The following IZUMO4 variants were observed in gnomAD, a reference collection of about 807,000 sequenced individuals.
The protein encoded by IZUMO4 is IZUMO family member 4, also known as izumo sperm-egg fusion protein 4.
A neutral mutation model predicts 37.1 loss-of-function variants in IZUMO4; 51 were observed. The observed-to-expected ratio is 1.38, with a 90% CI of 1.10 to 1.74. The LOEUF (loss-of-function observed/expected upper bound fraction) is 1.74, where lower values mean the gene tolerates loss of function less well. Ranked by LOEUF, IZUMO4 falls within the 40% of genes most tolerant of loss-of-function variation. The pLI is 0.00. For missense variants in IZUMO4, 364 were observed against 299.6 expected (o/e 1.21, Z -1.59); for synonymous variants, 162 against 121.4 (o/e 1.33, Z -2.20).
At chr19:2,098,864 TA>T (rs367744284) in intron 8 of IZUMO4, 60 bp downstream of exon 8, 12 of 1,433,480 alleles carry the variant, frequency 8.4e-6, no homozygotes, top group Non-Finnish European at 1.2e-5. Flanking sequence ...GGAGGGGGGC[TA>T]GGGGGTCCTC....
rs534003610 is a variant in IZUMO4 at position 2,098,540 on chromosome 19, G to A, written c.536+90G>A. On this transcript the variant is annotated intron_variant, in intron 7 of 9. Coordinates refer to ENST00000395301, the MANE Select transcript of IZUMO4 (RefSeq NM_001039846.2). Reference sequence around the variant, plus strand: ...TGTGGGGCACAGGCTGGCTCCCTCAGCTCCCACGTCCTAGAGGGGCTCCCG... The same window carrying A: ...TGTGGGGCACAGGCTGGCTCCCTCAACTCCCACGTCCTAGAGGGGCTCCCG... The A allele has an allele frequency of 7.5e-6, 12 of 1,608,098 alleles. No individual in the cohort carries two copies. In the South Asian group the frequency reaches 1.2e-4, roughly 16 times the overall value.
chr19:2,097,821 G>T lies in IZUMO4; in HGVS notation c.371-108G>T. ...ACATACATGAAAACCAGGTGAGCCT[G>T]GGCCCCAGTGCCGAGGGACAGGCCC... On this transcript the variant is annotated intron_variant, in intron 3 of 9. Transcript: ENST00000395301. 4 of 1,386,306 alleles carry T rather than the reference G, an allele frequency of 2.9e-6. No homozygotes were observed. The South Asian group carries it at 4.9e-5, about 17-fold the overall frequency. The allele number at this position is 1,386,306 out of a possible 1,614,324, so 85.9% of individuals were successfully genotyped here.
At chr19:2,098,761 G>T in intron 7 of IZUMO4, 26 bp from the exon 8 acceptor site, 1 of 1,605,186 alleles carries the variant, frequency 6.2e-7, no homozygotes, top group Non-Finnish European at 8.5e-7. Context: ...CCATGGAGGG[G>T]CTGACTGCCC....
At chr19:2,098,004 G>GGCCCTGGAGGCTGAGGGGA in intron 4 of IZUMO4, 48 bp from the exon 5 acceptor site, 1 of 1,613,046 alleles carries the variant, frequency 6.2e-7, no homozygotes, top group African/African-American at 1.3e-5. Flanking sequence ...GGCAGCTCGG[G>GGCCCTGGAGGCTGAGGGGA]GCCCTGGAGG....
Position 2,098,144 on chromosome 19 carries a change from A to G in IZUMO4, c.473+17A>G. On this transcript the variant is annotated intron_variant, in intron 5 of 9. Coordinates refer to ENST00000395301, the MANE Select transcript of IZUMO4 (RefSeq NM_001039846.2). ...TAACTGCGAGTAGGGCTCAGGCATC[A>G]CACCCACCCGTGCCAGGGCCCTACT... 1.2e-6 allele frequency: 2 copies of G among 1,613,092 alleles called. No homozygotes were observed. The highest frequency in any genetic ancestry group is 1.7e-6 in the Non-Finnish European group (2 of 1,179,664).
rs757902471 is a variant in IZUMO4, at chr19:2,098,601, G to A, written c.536+151G>A. On this transcript the variant is annotated intron_variant, in intron 7 of 9. Coordinates refer to ENST00000395301, the MANE Select transcript of IZUMO4 (RefSeq NM_001039846.2). ...ACCTCAACCCAGCTCTGCGCAGGAG[G>A]CGGCTGCAGTCCTTTTCTCCCTCAA... The A allele has an allele frequency of 2.7e-5, 43 of 1,585,970 alleles. No homozygotes were observed. The Admixed American group carries it at 3.4e-4, about 12-fold the overall frequency.
chr19:2,098,042 C>A lies in IZUMO4; in HGVS notation c.398-10C>A, dbSNP rs139102734. 2 of 1,613,320 alleles carry A rather than the reference C, an allele frequency of 1.2e-6. No homozygotes were observed. Among genetic ancestry groups the A allele is most frequent in the South Asian group, 1.1e-5 (1 of 91,090 alleles). ...GAGGGGAGCCCTGGCGGCTCTTGTA[C>A]GTGTTTCAGGCATCTTCCAGTACGA... On this transcript the variant is annotated splice_polypyrimidine_tract_variant and intron_variant, in intron 4 of 9. Coordinates refer to ENST00000395301, the MANE Select transcript of IZUMO4 (RefSeq NM_001039846.2).
chr19:2,099,333 C>CA lies in IZUMO4; in HGVS notation c.689dup (p.Gln231AlafsTer76). On this transcript the variant is annotated frameshift_variant, in exon 10 of 10. Transcript: ENST00000395301. LOFTEE classifies it high-confidence loss of function. ...CCTTGGAAGATGCTGCTGAGTGTCT[C>CA]AAGCAGCACTGACAGCAGCTGGGCC... 2 of 1,611,788 alleles carry CA rather than the reference C, an allele frequency of 1.2e-6. No individual in the cohort carries two copies. Among genetic ancestry groups the CA allele is most frequent in the East Asian group, 4.5e-5 (2 of 44,862 alleles).
chr19:2,098,070 C>T lies in IZUMO4; in HGVS notation c.416C>T (p.Thr139Ile), dbSNP rs759006229. 2 of 1,613,470 alleles carry T rather than the reference C, an allele frequency of 1.2e-6. No individual in the cohort carries two copies. Among genetic ancestry groups the T allele is most frequent in the Non-Finnish European group, 1.7e-6 (2 of 1,180,008 alleles). ...QHRCGIFQYE[T>I]ISCNNCTDSH... ...GTTTCAGGCATCTTCCAGTACGAGA[C>T]CATCTCCTGCAACAACTGCACAGAC... The change falls in exon 5 of 10, where the codon ACC becomes ATC. Residue 139 changes from threonine to isoleucine, a missense_variant. Physicochemically the swap from Thr to Ile is moderately conservative, Grantham distance 89. Transcript: ENST00000395301.
At position 2,098,991 on chromosome 19, in the gene IZUMO4, C is replaced by G; in HGVS notation, c.570C>G (p.Ala190=). The G allele has an allele frequency of 1.2e-6, 2 of 1,613,202 alleles. No homozygotes were observed. Among genetic ancestry groups the G allele is most frequent in the Non-Finnish European group, 1.7e-6 (2 of 1,179,988 alleles). The change falls in exon 9 of 10, where the codon GCC becomes GCG. Residue 190 remains alanine, a synonymous_variant. Coordinates refer to ENST00000395301, the MANE Select transcript of IZUMO4 (RefSeq NM_001039846.2). ...QDTSMRPRSS[A]FSWPGTHRAT... ...TCATGAACAGACCACGCTCCTCTGC[C>G]TTCTCCTGGCCTGGGACACACAGAG...
chr19:2,099,070 C>A, intron 9 of IZUMO4, 41 bp downstream of exon 9: 1 of 1,584,054 alleles, frequency 6.3e-7, no homozygotes, highest in Non-Finnish European at 8.7e-7. Flanking sequence ...AGAAGGGGTG[C>A]TCGTAAGCCA....
rs2017766815 is a variant in IZUMO4 at position 2,098,080 on chromosome 19, C to T, written c.426C>T (p.Cys142=). 1 of 1,613,546 alleles carries T rather than the reference C, an allele frequency of 6.2e-7. No individual in the cohort carries two copies. The highest frequency in any genetic ancestry group is 1.3e-5 in the African/African-American group (1 of 75,066). Residue 142 remains cysteine, a synonymous_variant, in exon 5 of 10, where the codon TGC becomes TGT. Coordinates refer to ENST00000395301, the MANE Select transcript of IZUMO4 (RefSeq NM_001039846.2). ...TCTTCCAGTACGAGACCATCTCCTG[C>T]AACAACTGCACAGACTCGCACGTCG... The part of the protein sequence containing the change: ...CGIFQYETIS[C]NNCTDSHVAC...
chr19:2,098,909 CCTATA>C, intron 8 of IZUMO4, 62 bp from the exon 9 acceptor site: 1 of 1,590,642 alleles, frequency 6.3e-7, no homozygotes, highest in East Asian at 2.2e-5. Flanking sequence ...TGGGGCTCTC[CCTATA>C]CCTGGGACAC....
chr19:2,098,315 C>T lies in IZUMO4; in HGVS notation c.502C>T (p.Gln168Ter). The T allele has an allele frequency of 1.2e-6, 2 of 1,613,964 alleles. No homozygotes were observed. Among genetic ancestry groups the T allele is most frequent in the Non-Finnish European group, 1.7e-6 (2 of 1,180,018 alleles). Residue 168 changes from glutamine (Q) to a stop codon, truncating the protein, a stop_gained, in exon 6 of 10, where the codon CAG becomes TAG. Coordinates refer to ENST00000395301, the MANE Select transcript of IZUMO4 (RefSeq NM_001039846.2). LOFTEE classifies it high-confidence loss of function. ...ESSAQWKSAVQGLLNYINNWH... is the reference protein window; with the variant it reads ...ESSAQWKSAV ...CTCGGCGCAGTGGAAGTCAGCTGTC[C>T]AGGGCCTCCTGAACTACATGTGAGT...
chr19:2,098,374 C>T, intron 6 of IZUMO4, 40 bp downstream of exon 6: 1 of 1,614,022 alleles, frequency 6.2e-7, no homozygotes. Context: ...TCACCTGGGC[C>T]TGGGAGGGAA....
rs2017765944 is a variant in IZUMO4 at position 2,098,069 on chromosome 19, A to G, written c.415A>G (p.Thr139Ala). 2 of 1,613,394 alleles carry G rather than the reference A, an allele frequency of 1.2e-6. No homozygotes were observed. Among genetic ancestry groups the G allele is most frequent in the Admixed American group, 1.7e-5 (1 of 59,998 alleles). The change falls in exon 5 of 10, where the codon ACC becomes GCC. Residue 139 changes from threonine (T) to alanine (A), a missense_variant. Thr to Ala is a moderately conservative substitution (Grantham distance 58, BLOSUM62 0). Coordinates refer to ENST00000395301, the MANE Select transcript of IZUMO4 (RefSeq NM_001039846.2). Reference protein sequence around the residue: ...QHRCGIFQYETISCNNCTDSH... With the variant: ...QHRCGIFQYEAISCNNCTDSH... ...TGTTTCAGGCATCTTCCAGTACGAG[A>G]CCATCTCCTGCAACAACTGCACAGA...
rs770316452 is a variant in IZUMO4 at position 2,098,122 on chromosome 19, C to T, written c.468C>T (p.Asn156=). ...TDSHVACFGY[N]CESSAQWKSA... ...CGCACGTCGCCTGCTTTGGCTATAA[C>T]TGCGAGTAGGGCTCAGGCATCACAC... The change falls in exon 5 of 10, where the codon AAC becomes AAT. Residue 156 remains asparagine, a synonymous_variant. Coordinates refer to ENST00000395301, the MANE Select transcript of IZUMO4 (RefSeq NM_001039846.2). The T allele has an allele frequency of 1.9e-6, 3 of 1,613,402 alleles. No individual in the cohort carries two copies. The highest frequency in any genetic ancestry group is 2.5e-6 in the Non-Finnish European group (3 of 1,179,990).
chr19:2,098,298 A>ACAG lies in IZUMO4; in HGVS notation c.485_486insCAG (p.Gln162delinsHisArg), dbSNP rs2017779119. On this transcript the variant is annotated protein_altering_variant, in exon 6 of 10. Transcript: ENST00000395301. ...CCTGTGTCCCACAGGTCCTCGGCGC[A>ACAG]GTGGAAGTCAGCTGTCCAGGGCCTC... 3 of 1,613,772 alleles carry ACAG rather than the reference A, an allele frequency of 1.9e-6. No homozygotes were observed. The highest frequency in any genetic ancestry group is 2.5e-6 in the Non-Finnish European group (3 of 1,180,028).
intron 8 of IZUMO4, 59 bp downstream of exon 8, chr19:2,098,863 C>T (rs1407815105): frequency 3.9e-6 from 6 of 1,535,494 alleles, no homozygotes; most frequent in Non-Finnish European, 5.3e-6. Flanking sequence ...AGGAGGGGGG[C>T]TAGGGGGTCC....
Sources: allele counts gnomAD v4.1 joint callset, GRCh38; gene constraint gnomAD v4.1.1; transcripts MANE v1.5; gene names NCBI Gene and HGNC (gene_info 2026-07-23, HGNC 2026-07-21).